The following AKAP6 variants were observed in gnomAD, a reference collection of about 807,000 sequenced individuals.
AKAP6 encodes A-kinase anchor protein 6.
A neutral mutation model predicts 188.5 loss-of-function variants in AKAP6; 58 were observed. The ratio of observed to expected loss-of-function variants is 0.31; its 90% CI spans 0.25 to 0.38. The LOEUF is 0.38. AKAP6 is among the 10% of genes least tolerant of loss of function. The pLI is 1.00. For synonymous variants in AKAP6, 989 were observed against 998.6 expected, an observed-to-expected ratio of 0.99 and a Z score of 0.18; for missense variants, 2,710 against 2,740.0, an observed-to-expected ratio of 0.99 and a Z score of 0.24.
chr14:32,648,944 C>T (rs1888094480), intron 7 of AKAP6, among the ~76,000 whole-genome samples: 1 of 152,112 alleles, frequency 6.6e-6, no homozygotes, highest in African/African-American at 2.4e-5. Context: ...TAGTCTTCCA[C>T]AGATAGCCAA....
rs200445506 is a variant in AKAP6 at position 32,773,706 on chromosome 14, G to T, written c.3401G>T (p.Arg1134Leu). ...CTCTGTCGTGAAATCAAGCAACGAC[G>T]TCGAGGAGTTGCCTCCATTCTGCGA... ...KSLCREIKQR[R>L]RGVASILRLC... Residue 1134 changes from arginine to leucine, a missense_variant, in exon 12 of 14, where the codon CGT becomes CTT. By Grantham distance (102) the Arg-to-Leu change is moderately radical (BLOSUM62 -2). Transcript: ENST00000280979. 3 of 1,614,072 alleles carry T rather than the reference G, an allele frequency of 1.9e-6. No homozygotes were observed. Among genetic ancestry groups the T allele is most frequent in the Non-Finnish European group, 1.7e-6 (2 of 1,179,964 alleles).
intron 7 of AKAP6, among the ~76,000 whole-genome samples, chr14:32,603,475 CA>C (rs1368939333): frequency 6.6e-6 from 1 of 152,124 alleles, no homozygotes; most frequent in Non-Finnish European, 1.5e-5. Flanking sequence ...AAAGTATTAT[CA>C]GAGGAGAAAC....
At chr14:32,696,496 C>G (rs1890408908) in intron 9 of AKAP6, among the ~76,000 whole-genome samples, 1 of 152,160 alleles carries the variant, frequency 6.6e-6, no homozygotes, top group Non-Finnish European at 1.5e-5. Context: ...CCCCTCAGAT[C>G]TTCCCAGGGA....
chr14:32,591,115 T>G (rs1173205352), intron 5 of AKAP6, among the ~76,000 whole-genome samples: 1 of 152,204 alleles, frequency 6.6e-6, no homozygotes, highest in African/African-American at 2.4e-5. Context: ...CTATCACTCT[T>G]GTGAATCCAC....
chr14:32,456,881 A>T (rs1035416786), intron 2 of AKAP6, among the ~76,000 whole-genome samples: 2 of 152,246 alleles, frequency 1.3e-5, no homozygotes, highest in African/African-American at 4.8e-5. Flanking sequence ...AATAATTTAT[A>T]TGAAAAAATC....
intron 2 of AKAP6, among the ~76,000 whole-genome samples, chr14:32,493,400 G>A (rs1880143481): frequency 6.6e-6 from 1 of 151,906 alleles, no homozygotes; most frequent in South Asian, 2.1e-4. Flanking sequence ...TTGTAGAGAT[G>A]GGGTTTCACT....
rs769527995 is a variant in AKAP6, at chr14:32,678,293, C to G, written c.2731-18C>G. ...CTTCTGGATTAAAACAGCAATTTCT[C>G]TTTGTTTCTCTTTCCAGGCTGAGGT... is the stretch of plus-strand genomic sequence containing the variant. On this transcript the variant is annotated intron_variant, in intron 7 of 13. Coordinates refer to ENST00000280979, the MANE Select transcript of AKAP6 (RefSeq NM_004274.5). 1 of 1,599,664 alleles carries G rather than the reference C, an allele frequency of 6.3e-7. No individual in the cohort carries two copies. Among genetic ancestry groups the G allele is most frequent in the East Asian group, 2.3e-5 (1 of 44,340 alleles).
intron 2 of AKAP6, among the ~76,000 whole-genome samples, chr14:32,449,377 G>T (rs902900240): frequency 6.6e-6 from 1 of 151,758 alleles, no homozygotes; most frequent in Non-Finnish European, 1.5e-5. Flanking sequence ...AAAAAATTAG[G>T]CAGGCATGGA....
chr14:32,770,269 T>C (rs2032857937), intron 11 of AKAP6, among the ~76,000 whole-genome samples: 2 of 152,196 alleles, frequency 1.3e-5, no homozygotes, highest in Non-Finnish European at 2.9e-5. Context: ...GATAATGACC[T>C]CCATTCTAAC....
At position 32,540,176 on chromosome 14, in the gene AKAP6, A is replaced by C. The variant is rs1427774052; in HGVS notation, c.576+4371A>C. Among the ~76,000 whole-genome samples the C allele has an allele frequency of 7.0e-3, 853 of 122,352 alleles. 4 individuals carry two copies. The highest frequency in any genetic ancestry group is 0.011 in the South Asian group (44 of 4,142). The allele number at this position is 122,352 out of a possible 152,430, so 80.3% of individuals were successfully genotyped here. On this transcript the variant is annotated intron_variant, in intron 3 of 13. Coordinates refer to ENST00000280979, the MANE Select transcript of AKAP6 (RefSeq NM_004274.5). ...TCTCTCTCTCTCTCTCTCTATATATATATATATATATATATATTTTAATTT... is the reference window on the plus strand; with the variant it reads ...TCTCTCTCTCTCTCTCTCTATATATCTATATATATATATATATTTTAATTT...
At chr14:32,680,056 C>T (rs1410879978) in intron 8 of AKAP6, among the ~76,000 whole-genome samples, 3 of 152,108 alleles carry the variant, frequency 2.0e-5, no homozygotes, top group Non-Finnish European at 4.4e-5. Context: ...ACCCCAGATT[C>T]CAGGGACCCA....
chr14:32,769,270 ACTC>A (rs2032823221), intron 11 of AKAP6, among the ~76,000 whole-genome samples: 1 of 149,922 alleles, frequency 6.7e-6, no homozygotes, highest in South Asian at 2.1e-4. Context: ...CTGGTCTTGA[ACTC>A]CTGACTTCAA....
In AKAP6 at chr14:32,822,532, A is replaced by G. The variant is rs762057292; in HGVS notation, c.4719A>G (p.Pro1573=). 1.1e-5 allele frequency: 17 copies of G among 1,613,980 alleles called. No individual in the cohort carries two copies. In the South Asian group the frequency reaches 1.9e-4, roughly 18 times the overall value. ...GTTCATCTATTGAGTCCCTTTCTCCAGGGGGTGATTTATTTGGATTGGGCA... is the reference window on the plus strand; with the variant it reads ...GTTCATCTATTGAGTCCCTTTCTCCGGGGGGTGATTTATTTGGATTGGGCA... ...SHSSSIESLS[P]GGDLFGLGIF... is the part of the protein sequence containing the mutation. The change falls in exon 13 of 14, where the codon CCA becomes CCG. Residue 1573 remains proline, a synonymous_variant. Coordinates refer to ENST00000280979, the MANE Select transcript of AKAP6 (RefSeq NM_004274.5).
intron 4 of AKAP6, among the ~76,000 whole-genome samples, chr14:32,548,439 C>G (rs1207087585): frequency 6.6e-6 from 1 of 151,532 alleles, no homozygotes; most frequent in East Asian, 1.9e-4. Flanking sequence ...TCACAGCTGT[C>G]CTGTGAAGGA....
intron 7 of AKAP6, among the ~76,000 whole-genome samples, chr14:32,674,240 A>G (rs748463972): frequency 4.3e-4 from 65 of 152,242 alleles, no homozygotes; most frequent in Non-Finnish European, 7.8e-4. Context: ...GCCTAAGGTC[A>G]GCAGGAACCA....
chr14:32,704,177 C>T (rs1347657362), intron 9 of AKAP6, among the ~76,000 whole-genome samples: 1 of 152,080 alleles, frequency 6.6e-6, no homozygotes, highest in Admixed American at 6.6e-5. Flanking sequence ...TTACAGATAG[C>T]ACTTAAATTA....
chr14:32,392,575 C>T (rs1316624091), intron 1 of AKAP6, among the ~76,000 whole-genome samples: 3 of 152,010 alleles, frequency 2.0e-5, no homozygotes, highest in Non-Finnish European at 4.4e-5. Context: ...TTTCTAAATA[C>T]CTTTTCCAAA....
intron 1 of AKAP6, among the ~76,000 whole-genome samples, chr14:32,426,202 C>T (rs911707812): frequency 6.6e-6 from 1 of 152,070 alleles, no homozygotes; most frequent in African/African-American, 2.4e-5. Flanking sequence ...ACCCCTGGGG[C>T]CTTACTGGGC....
chr14:32,773,316 C>G (rs907478644), intron 11 of AKAP6, among the ~76,000 whole-genome samples: 9 of 152,132 alleles, frequency 5.9e-5, no homozygotes, highest in African/African-American at 2.2e-4. Flanking sequence ...ATTTTTCTAT[C>G]TTCTGCGTTT....
Sources: allele counts gnomAD v4.1 joint callset (sites outside exome capture counted in the v4.1 genomes callset), GRCh38; gene constraint gnomAD v4.1.1; transcripts MANE v1.5; gene names NCBI Gene and HGNC (gene_info 2026-07-23, HGNC 2026-07-21).